The following MORC1 variants were observed in gnomAD, a reference collection of about 807,000 sequenced individuals.
MORC1 encodes the protein MORC family CW-type zinc finger 1, also known as MORC family CW-type zinc finger protein 1.
MORC1 carries 59 observed loss-of-function variants against 134.9 expected under a neutral mutation model. The ratio of observed to expected loss-of-function variants is 0.44; its 90% CI spans 0.35 to 0.54. The LOEUF is 0.54. Among genes scored for constraint, MORC1 ranks in the 20% least tolerant of loss-of-function variants. MORC1 has a pLI of 0.00. For synonymous variants in MORC1, 395 were observed against 391.7 expected (o/e 1.01, Z -0.10); for missense variants, 947 against 1,134.5 (o/e 0.83, Z 2.37).
At chr3:108,992,788 C>T (rs1381092862) in intron 21 of MORC1, among the ~76,000 whole-genome samples, 1 of 152,066 alleles carries the variant, frequency 6.6e-6, no homozygotes, top group Non-Finnish European at 1.5e-5. Context: ...TTGGCAGTGC[C>T]CCTCTCCTCT....
chr3:108,973,571 T>C (rs1480785911), intron 24 of MORC1, among the ~76,000 whole-genome samples: 1 of 150,336 alleles, frequency 6.7e-6, no homozygotes, highest in East Asian at 1.9e-4. Context: ...GTTTTTTTGT[T>C]CGTTTTTTGT....
chr3:109,068,636 C>T (rs1057437564), intron 9 of MORC1, among the ~76,000 whole-genome samples: 2 of 152,144 alleles, frequency 1.3e-5, no homozygotes, highest in African/African-American at 4.8e-5. Context: ...GGGTTGGCTC[C>T]ATGATTTTGC....
At chr3:109,002,480 G>T (rs1559884681) in intron 20 of MORC1, among the ~76,000 whole-genome samples, 2 of 152,142 alleles carry the variant, frequency 1.3e-5, no homozygotes, top group Non-Finnish European at 2.9e-5. Flanking sequence ...GTTGACCAAG[G>T]TTTCATGTGA....
At chr3:109,009,197 G>GTTTTTTTTTTTTTTTTTTTTTTTTTTTTT (rs201228015) in intron 17 of MORC1, among the ~76,000 whole-genome samples, 1 of 133,810 alleles carries the variant, frequency 7.5e-6, no homozygotes, top group Non-Finnish European at 1.6e-5. Context: ...CTATTTTTAC[G>GTTTTTTTTTTTTTTTTTTTTTTTTTTTTT]TTTTTTGTTG....
intron 14 of MORC1, among the ~76,000 whole-genome samples, chr3:109,048,059 G>A (rs945548711): frequency 2.0e-5 from 3 of 152,112 alleles, no homozygotes; most frequent in Non-Finnish European, 4.4e-5. Context: ...TGAACACAAT[G>A]GAAGAACCTG....
rs752744723 is a variant in MORC1, at chr3:109,005,210, T to C, written c.1873A>G (p.Ile625Val). The change falls in exon 19 of 28, where the codon ATA (isoleucine) becomes GTA (valine). Residue 625 changes from isoleucine (I) to valine (V), a missense_variant. Physicochemically the swap from Ile to Val is conservative, Grantham distance 29. Coordinates refer to ENST00000232603, the MANE Select transcript of MORC1 (RefSeq NM_014429.4). The part of the protein sequence containing the change: ...SASRRGQKRN[I>V]EETDSDVEYI... ...TCTACATCAGAGTCTGTCTCTTCTA[T>C]GTTTCTTTTCTGTCCTCTACGGCTC... 6.2e-7 allele frequency: 1 copy of C among 1,614,050 alleles called. No homozygotes were observed. The highest frequency in any genetic ancestry group is 8.5e-7 in the Non-Finnish European group (1 of 1,179,988).
At chr3:109,078,184 A>G (rs1465977361) in intron 8 of MORC1, among the ~76,000 whole-genome samples, 1 of 152,106 alleles carries the variant, frequency 6.6e-6, no homozygotes, top group Admixed American at 6.5e-5. Context: ...AGAAGAAAAA[A>G]AGACATGGAA....
intron 14 of MORC1, among the ~76,000 whole-genome samples, chr3:109,043,004 A>T (rs73204305): frequency 5.6e-4 from 86 of 152,250 alleles, no homozygotes; most frequent in Non-Finnish European, 1.1e-3. Context: ...TCTATTGTAC[A>T]TCATTGTGAC....
At chr3:109,098,420 G>A (rs1327929423) in intron 6 of MORC1, among the ~76,000 whole-genome samples, 2 of 152,174 alleles carry the variant, frequency 1.3e-5, no homozygotes, top group South Asian at 2.1e-4. Flanking sequence ...GCTCCCACAC[G>A]GCTTACTCCT....
chr3:109,076,261 A>C (rs971611496), intron 8 of MORC1, among the ~76,000 whole-genome samples: 1 of 152,234 alleles, frequency 6.6e-6, no homozygotes, highest in African/African-American at 2.4e-5. Context: ...AGAGAAATGC[A>C]AATCAAAACC....
chr3:108,977,940 C>T (rs144095044), intron 24 of MORC1, among the ~76,000 whole-genome samples: 2,527 of 152,172 alleles, frequency 0.017, 81 homozygotes, highest in African/African-American at 0.059. Flanking sequence ...TGCAGTGGCG[C>T]GATCTCAGCT....
chr3:109,013,258 GCTACA>G (rs1199924527), intron 17 of MORC1, among the ~76,000 whole-genome samples: 1 of 151,990 alleles, frequency 6.6e-6, no homozygotes, highest in Non-Finnish European at 1.5e-5. Flanking sequence ...CTGTTTAGAT[GCTACA>G]CTAGTTTGTT....
intron 18 of MORC1, among the ~76,000 whole-genome samples, chr3:109,005,891 C>A (rs527636456): frequency 8.5e-5 from 13 of 152,284 alleles, no homozygotes; most frequent in African/African-American, 2.9e-4. Flanking sequence ...AGTCAAGTAA[C>A]CCTCTCCGCA....
chr3:109,063,855 G>T (rs949823289), intron 9 of MORC1, among the ~76,000 whole-genome samples: 1 of 152,082 alleles, frequency 6.6e-6, no homozygotes, highest in Non-Finnish European at 1.5e-5. Flanking sequence ...AGAACCTGAG[G>T]TTCTCTGAAT....
intron 26 of MORC1, among the ~76,000 whole-genome samples, chr3:108,968,589 C>A (rs543212427): frequency 6.6e-6 from 1 of 152,304 alleles, no homozygotes; most frequent in African/African-American, 2.4e-5. Context: ...TGCAAAGGTA[C>A]TCCATTACCT....
intron 22 of MORC1, 116 bp from the exon 23 acceptor site, chr3:108,984,898 A>C: frequency 1.5e-6 from 1 of 688,934 alleles, no homozygotes; most frequent in Admixed American, 3.3e-5. Flanking sequence ...GTATTGAAAC[A>C]TCCATTTATA....
chr3:109,086,827 A>T (rs2107745791), intron 8 of MORC1, among the ~76,000 whole-genome samples: 1 of 152,204 alleles, frequency 6.6e-6, no homozygotes, highest in Non-Finnish European at 1.5e-5. Flanking sequence ...GGAAATCTGG[A>T]TGAAAGATAC....
intron 16 of MORC1, 135 bp from the exon 17 acceptor site, chr3:109,028,024 T>C (rs868048028): frequency 3.8e-5 from 37 of 962,558 alleles, no homozygotes; most frequent in Middle Eastern, 6.1e-4. Flanking sequence ...AGGAAAAGCA[T>C]TGTATCCGTG....
At chr3:108,984,839 C>A in intron 22 of MORC1, 57 bp from the exon 23 acceptor site, 3 of 1,404,624 alleles carry the variant, frequency 2.1e-6, no homozygotes, top group Non-Finnish European at 9.8e-7. Flanking sequence ...TAAACTGAAC[C>A]AAAAGAAATG....
Sources: allele counts gnomAD v4.1 joint callset (sites outside exome capture counted in the v4.1 genomes callset), GRCh38; gene constraint gnomAD v4.1.1; transcripts MANE v1.5; gene names NCBI Gene and HGNC (gene_info 2026-07-23, HGNC 2026-07-21).